The following PRKN variants were observed in gnomAD, a reference collection of about 807,000 sequenced individuals.
PRKN encodes the protein E3 ubiquitin-protein ligase parkin.
PRKN carries 56 observed loss-of-function variants against 59.5 expected under a neutral mutation model. The observed-to-expected ratio is 0.94, with a 90% CI of 0.76 to 1.18. The LOEUF is 1.18. Among genes scored for constraint, PRKN ranks in the 50% most tolerant of loss-of-function variants. PRKN has a pLI of 0.00. For missense variants in PRKN, 657 were observed against 596.4 expected (o/e 1.10, Z -1.06); for synonymous variants, 250 against 222.1 (o/e 1.13, Z -1.12).
At chr6:162,613,719 T>C (rs1051452913) in intron 1 of PRKN, among the ~76,000 whole-genome samples, 1 of 152,182 alleles carries the variant, frequency 6.6e-6, no homozygotes, top group Non-Finnish European at 1.5e-5. Flanking sequence ...AAGTCATCCT[T>C]CCTGAGTAGG....
intron 1 of PRKN, among the ~76,000 whole-genome samples, chr6:162,657,257 C>A (rs1200621646): frequency 6.6e-6 from 1 of 152,146 alleles, no homozygotes; most frequent in Admixed American, 6.5e-5. Context: ...CCTAATTAAA[C>A]AGACATATTT....
At chr6:162,343,914 A>G (rs1784291667) in intron 2 of PRKN, among the ~76,000 whole-genome samples, 1 of 152,198 alleles carries the variant, frequency 6.6e-6, no homozygotes. Flanking sequence ...ACCCATGAGC[A>G]ATAGAAAAAA....
At chr6:161,838,066 CT>C (rs1435294490) in intron 6 of PRKN, among the ~76,000 whole-genome samples, 1 of 152,144 alleles carries the variant, frequency 6.6e-6, no homozygotes, top group Non-Finnish European at 1.5e-5. Flanking sequence ...TCAAGTGTTT[CT>C]TAATCATTCC....
intron 7 of PRKN, among the ~76,000 whole-genome samples, chr6:161,696,021 C>T (rs1475213760): frequency 6.6e-6 from 1 of 152,132 alleles, no homozygotes; most frequent in Admixed American, 6.5e-5. Context: ...GCATTACATA[C>T]GTCTCTCATT....
intron 9 of PRKN, among the ~76,000 whole-genome samples, chr6:161,416,775 G>A (rs895523325): frequency 1.3e-5 from 2 of 152,172 alleles, no homozygotes; most frequent in African/African-American, 4.8e-5. Flanking sequence ...GGCAAGGCTT[G>A]TATCAACCGT....
chr6:161,776,618 A>C (rs76170373), intron 7 of PRKN, among the ~76,000 whole-genome samples: 5,953 of 152,288 alleles, frequency 0.039, 388 homozygotes, highest in African/African-American at 0.13. Context: ...TTAACAAACC[A>C]TGATGCCTAA....
At chr6:162,568,638 C>T (rs540658106) in intron 1 of PRKN, 49 of 929,026 alleles carry the variant, frequency 5.3e-5, no homozygotes, top group East Asian at 2.2e-4. Context: ...AGGCAAGGTA[C>T]GGTTCCTGGA....
chr6:162,668,957 T>G (rs190252330), intron 1 of PRKN, among the ~76,000 whole-genome samples: 1 of 152,256 alleles, frequency 6.6e-6, no homozygotes, highest in African/African-American at 2.4e-5. Flanking sequence ...CAATCATGGT[T>G]TCCTTCCCAT....
intron 10 of PRKN, among the ~76,000 whole-genome samples, chr6:161,364,230 G>A (rs6929657): frequency 0.27 from 40,428 of 148,416 alleles, 5,935 homozygotes; most frequent in Middle Eastern, 0.38. Flanking sequence ...GGAGGCCAAG[G>A]CAGGCAGATC....
intron 1 of PRKN, among the ~76,000 whole-genome samples, chr6:162,555,022 T>C (rs1458355849): frequency 6.6e-6 from 1 of 152,130 alleles, no homozygotes; most frequent in Non-Finnish European, 1.5e-5. Context: ...TGGACTATGC[T>C]TCTAACAGAC....
In PRKN at chr6:162,601,169, C is replaced by T. The variant is rs893279715; in HGVS notation, c.7+126493G>A. ...CACATGTCAAGAGGGCAAAAGCATG[C>T]GCGTCAGCTTGGGCCTCTCTTCTTC... On this transcript the variant is annotated intron_variant, in intron 1 of 11. Transcript: ENST00000366898. Among the ~76,000 whole-genome samples, 17 of 152,058 alleles carry T rather than the reference C, an allele frequency of 1.1e-4. 1 individual carries two copies. Among genetic ancestry groups the T allele is most frequent in the Admixed American group, 2.0e-4 (3 of 15,256 alleles).
rs1322390642 is a variant in PRKN at position 161,354,554 on chromosome 6, G to A, written c.1286-4343C>T. On this transcript the variant is annotated intron_variant, in intron 11 of 11. Coordinates refer to ENST00000366898, the MANE Select transcript of PRKN (RefSeq NM_004562.3). This position sits in a 1 kb window ranked among gnomAD's most constrained non-coding sequence, Gnocchi z 6.7. ...TTGAGATGGAAGTGAAGAAATTTCT[G>A]GAGACTGGAGTGGATTATAGGAGAA... is the stretch of plus-strand genomic sequence containing the variant. Among the ~76,000 whole-genome samples, 1 of 152,174 alleles carries A rather than the reference G, an allele frequency of 6.6e-6. No individual in the cohort carries two copies. The highest frequency in any genetic ancestry group is 2.1e-4 in the South Asian group (1 of 4,832).
rs1039800474 is a variant in PRKN at position 161,463,196 on chromosome 6, C to T, written c.1084-76319G>A. On this transcript the variant is annotated intron_variant, in intron 9 of 11. Coordinates refer to ENST00000366898, the MANE Select transcript of PRKN (RefSeq NM_004562.3). This position sits in a 1 kb window ranked among gnomAD's most constrained non-coding sequence, Gnocchi z 4.8. ...GGCACCAGTAGAATTCCTGAGGCAT[C>T]CAGATTCAGCACGGCCTCTGGAAGG... Among the ~76,000 whole-genome samples the T allele has an allele frequency of 6.6e-6, 1 of 152,168 alleles. No individual in the cohort carries two copies. The highest frequency in any genetic ancestry group is 2.4e-5 in the African/African-American group (1 of 41,438).
chr6:161,370,869 G>A (rs955753694), intron 10 of PRKN, among the ~76,000 whole-genome samples: 1 of 152,192 alleles, frequency 6.6e-6, no homozygotes, highest in Non-Finnish European at 1.5e-5. Context: ...GCTTTTAAAT[G>A]TCAGCTTTCT....
intron 1 of PRKN, among the ~76,000 whole-genome samples, chr6:162,552,480 G>A (rs1370439437): frequency 1.3e-5 from 2 of 152,082 alleles, no homozygotes; most frequent in East Asian, 1.9e-4. Flanking sequence ...TGTGGGAGGT[G>A]CAGAATCAAA....
At chr6:161,741,361 C>T (rs754319456) in intron 7 of PRKN, among the ~76,000 whole-genome samples, 3 of 152,136 alleles carry the variant, frequency 2.0e-5, no homozygotes, top group Non-Finnish European at 4.4e-5. Flanking sequence ...ACAAGACACT[C>T]GATGAGACAA....
chr6:162,167,686 A>G (rs965235164), intron 4 of PRKN, among the ~76,000 whole-genome samples: 6 of 151,418 alleles, frequency 4.0e-5, no homozygotes, highest in Non-Finnish European at 5.9e-5. Flanking sequence ...TGAAAAATGT[A>G]TGGGAGCCAT....
intron 2 of PRKN, among the ~76,000 whole-genome samples, chr6:162,403,156 G>A (rs1197536998): frequency 6.6e-6 from 1 of 152,146 alleles, no homozygotes; most frequent in Non-Finnish European, 1.5e-5. Context: ...GTCCATGAAC[G>A]TGAAATTCTT....
chr6:162,414,726 A>AAAAAAAAAAAAAAAAAACAGT (rs34838356), intron 2 of PRKN, among the ~76,000 whole-genome samples: 1 of 91,870 alleles, frequency 1.1e-5, no homozygotes, highest in Non-Finnish European at 2.1e-5. Flanking sequence ...AAAAAAAAAA[A>AAAAAAAAAAAAAAAAAACAGT]AGTGAATCTT....
Sources: gnomAD v4.1 joint callset for allele counts (sites outside exome capture counted in the v4.1 genomes callset) on GRCh38, gnomAD v4.1.1 for gene constraint, Gnocchi (gnomAD v3.1) non-coding constraint, MANE v1.5 for transcripts, NCBI Gene and HGNC (gene_info 2026-07-23, HGNC 2026-07-21) for gene names.